Variants in CDK12 observed in about 807,000 individuals in gnomAD.
CDK12 encodes cyclin-dependent kinase 12.
Under a neutral mutation model 133.8 loss-of-function variants are expected in CDK12, and 17 were observed. The observed-to-expected ratio is 0.13, with a 90% CI of 0.09 to 0.19. The LOEUF is 0.19. Ranked by LOEUF, CDK12 falls within the 10% of genes least tolerant of loss-of-function variation. CDK12 has a pLI of 1.00. For missense variants in CDK12, 1,508 were observed against 1,818.7 expected, an observed-to-expected ratio of 0.83 and a Z score of 3.11; for synonymous variants, 694 against 683.6, an observed-to-expected ratio of 1.02 and a Z score of -0.24.
chr17:39,546,999 G>A (rs558221621), upstream of CDK12, among the ~76,000 whole-genome samples: 23 of 152,244 alleles, frequency 1.5e-4, no homozygotes, highest in South Asian at 2.1e-4. Flanking sequence ...GAATGGACCA[G>A]TAAACAGATG....
intron 1 of CDK12, among the ~76,000 whole-genome samples, chr17:39,467,336 C>T (rs1038486905): frequency 6.6e-5 from 10 of 152,198 alleles, no homozygotes; most frequent in South Asian, 4.2e-4. Context: ...TCTTTGCATC[C>T]GCTAGATTAG....
chr17:39,524,842 G>A lies in CDK12; in HGVS notation c.3264G>A (p.Gln1088=), dbSNP rs2054398057. The stretch of plus-strand genomic sequence containing the variant: ...AGAACAGCAGCCCAGCACCACCTCA[G>A]CCTGCTCCTGGCAAGGTGGAGTCTG... ...PVKNSSPAPP[Q]PAPGKVESGA... Residue 1088 remains glutamine (Q), a synonymous_variant, in exon 12 of 14, where the codon CAG becomes CAA. Transcript: ENST00000447079. The A allele has an allele frequency of 1.2e-6, 2 of 1,614,184 alleles. No homozygotes were observed. The highest frequency in any genetic ancestry group is 4.5e-5 in the East Asian group (2 of 44,886).
intron 8 of CDK12, among the ~76,000 whole-genome samples, chr17:39,514,884 C>G (rs558264992): frequency 6.6e-6 from 1 of 152,104 alleles, no homozygotes; most frequent in Non-Finnish European, 1.5e-5. Context: ...TTCCTCTACC[C>G]GTACCCTCCC....
chr17:39,543,093 A>T (rs1193132781), upstream of CDK12, among the ~76,000 whole-genome samples: 3 of 152,250 alleles, frequency 2.0e-5, no homozygotes, highest in Admixed American at 2.0e-4. Context: ...TCGGCTAGAA[A>T]ACTATGGTGG....
intron 5 of CDK12, 45 bp downstream of exon 5, chr17:39,494,739 C>A: frequency 2.1e-4 from 234 of 1,116,964 alleles, no homozygotes; most frequent in Non-Finnish European, 2.6e-4. Flanking sequence ...CTGGTCCAAT[C>A]TTTGCCTTTC....
chr17:39,524,210 A>G (rs1398401721), intron 11 of CDK12, among the ~76,000 whole-genome samples: 1 of 152,220 alleles, frequency 6.6e-6, no homozygotes, highest in Non-Finnish European at 1.5e-5. Context: ...ACCAAATTAC[A>G]CATAAGTTGA....
intron 1 of CDK12, among the ~76,000 whole-genome samples, chr17:39,469,269 TAAG>T (rs2049598978): frequency 6.6e-6 from 1 of 152,210 alleles, no homozygotes; most frequent in South Asian, 2.1e-4. Context: ...AAGCCTTTCT[TAAG>T]AAGACAATTA....
At chr17:39,510,114 CTTT>C (rs762953806) in intron 7 of CDK12, among the ~76,000 whole-genome samples, 39 of 125,460 alleles carry the variant, frequency 3.1e-4, no homozygotes, top group East Asian at 1.3e-3. Context: ...CAATCTCTCT[CTTT>C]TTTTTTTTTT....
chr17:39,495,189 G>A (rs956283882), intron 5 of CDK12, among the ~76,000 whole-genome samples: 4 of 151,848 alleles, frequency 2.6e-5, no homozygotes, highest in African/African-American at 4.8e-5. Context: ...AGTGATTCTC[G>A]TGCCTCAGCC....
At chr17:39,511,245 C>A (rs1414644655) in intron 7 of CDK12, among the ~76,000 whole-genome samples, 4 of 143,742 alleles carry the variant, frequency 2.8e-5, no homozygotes, top group Non-Finnish European at 6.1e-5. Flanking sequence ...AAAATGAGAT[C>A]TTGCTGTGTT....
chr17:39,547,902 T>G (rs762674679), upstream of CDK12: 1 of 152,252 alleles, frequency 6.6e-6, no homozygotes, highest in Non-Finnish European at 1.5e-5. Flanking sequence ...GTGAAGCAGG[T>G]GGGCTGAGGT....
In CDK12 at chr17:39,531,469, T is replaced by A; in HGVS notation, c.*153T>A. On this transcript the variant is annotated 3_prime_UTR_variant, in exon 14 of 14. Transcript: ENST00000447079. The stretch of plus-strand genomic sequence containing the variant: ...GTTGTATTCCTTGCTCACTTGCTAC[T>A]AGCAGGCGACTTACGAAATAATGAT... The A allele has an allele frequency of 1.5e-6, 1 of 660,458 alleles. No individual in the cohort carries two copies. The highest frequency in any genetic ancestry group is 2.2e-6 in the Non-Finnish European group (1 of 446,620). The allele number at this position is 660,458 out of a possible 1,614,324, so 40.9% of individuals were successfully genotyped here.
In CDK12 at chr17:39,461,991, TTGGGGTTGGGGGGGTGGG is replaced by T; in HGVS notation, c.-75_-58del. 2 of 932,316 alleles carry T rather than the reference TTGGGGTTGGGGGGGTGGG, an allele frequency of 2.1e-6. No individual in the cohort carries two copies. The highest frequency in any genetic ancestry group is 6.1e-5 in the Admixed American group (2 of 33,004). The allele number at this position is 932,316 out of a possible 1,614,324, so 57.8% of individuals were successfully genotyped here. The stretch of plus-strand genomic sequence containing the variant: ...CCGGGGCGCTTTGGTGGGCGTGGAG[TTGGGGTTGGGGGGGTGGG>T]TGGGGGTTGCTTTTTGGAGTGCTGG... On this transcript the variant is annotated 5_prime_UTR_variant, in exon 1 of 14. Transcript: ENST00000447079.
intron 2 of CDK12, among the ~76,000 whole-genome samples, chr17:39,486,253 C>CTTTTT (rs35710234): frequency 8.1e-5 from 7 of 86,512 alleles, no homozygotes; most frequent in African/African-American, 1.3e-4. Flanking sequence ...CACCCTGCCT[C>CTTTTT]TTTTTTTTTT....
chr17:39,522,619 A>C (rs987354622), intron 11 of CDK12, among the ~76,000 whole-genome samples: 8 of 151,770 alleles, frequency 5.3e-5, no homozygotes, highest in African/African-American at 1.9e-4. Context: ...TTTTTAGTAG[A>C]GATGAGGTTT....
rs1271660421 is a variant in CDK12, at chr17:39,501,231, T to G, written c.2420-19T>G. 1.3e-6 allele frequency: 2 copies of G among 1,495,682 alleles called. No individual in the cohort carries two copies. The highest frequency in any genetic ancestry group is 4.9e-5 in the East Asian group (2 of 41,104). The allele number at this position is 1,495,682 out of a possible 1,614,324, so 92.7% of individuals were successfully genotyped here. A position where few individuals can be genotyped will look rare whatever the true frequency, so the allele number is the denominator to read the frequency against. ...TCTTTTTTTTTTCTTGCTTTTAATT[T>G]TTTTTCGTCTTTATGTAGGTGCCTT... On this transcript the variant is annotated intron_variant, in intron 5 of 13. Transcript: ENST00000447079.
At chr17:39,505,227 CAAAAAAA>C (rs149103539) in intron 6 of CDK12, among the ~76,000 whole-genome samples, 3 of 47,608 alleles carry the variant, frequency 6.3e-5, no homozygotes, top group East Asian at 1.3e-3. Context: ...GACTCCGTTT[CAAAAAAA>C]AAAAAAAAAA....
chr17:39,539,988 A>G (rs968506375), intron 1 of CDK12, among the ~76,000 whole-genome samples: 7 of 152,216 alleles, frequency 4.6e-5, no homozygotes, highest in Non-Finnish European at 8.8e-5. Context: ...TTGAGTTGTT[A>G]AGCAGTAGCA....
chr17:39,465,033 G>T (rs1230688217), intron 1 of CDK12, among the ~76,000 whole-genome samples: 1 of 151,992 alleles, frequency 6.6e-6, no homozygotes. Context: ...GGATCACGAG[G>T]TAGGGAGTTT....
Sources: gnomAD v4.1 joint callset for allele counts (sites outside exome capture counted in the v4.1 genomes callset) on GRCh38, gnomAD v4.1.1 for gene constraint, MANE v1.5 for transcripts, NCBI Gene and HGNC (gene_info 2026-07-23, HGNC 2026-07-21) for gene names.